The following SIPA1L2 variants were observed in gnomAD, a reference collection of about 807,000 sequenced individuals.
SIPA1L2 encodes signal-induced proliferation-associated 1-like protein 2.
SIPA1L2 carries 56 observed loss-of-function variants against 163.9 expected under a neutral mutation model. The observed-to-expected ratio is 0.34, with a 90% CI of 0.28 to 0.43. The LOEUF (loss-of-function observed/expected upper bound fraction) is 0.43. Ranked by LOEUF, SIPA1L2 falls within the 20% of genes least tolerant of loss-of-function variation. The pLI is 1.00. For synonymous variants in SIPA1L2, 877 were observed against 865.7 expected (o/e 1.01, Z -0.23); for missense variants, 1,974 against 2,193.5 (o/e 0.90, Z 2.00).
At chr1:232,466,979 CTTTGT>C (rs1664553280) in intron 8 of SIPA1L2, among the ~76,000 whole-genome samples, 1 of 152,132 alleles carries the variant, frequency 6.6e-6, no homozygotes, top group Non-Finnish European at 1.5e-5. Flanking sequence ...AGGAAGCAAT[CTTTGT>C]TTTGTTTTCA....
At chr1:232,595,755 G>A (rs1039484084) in intron 1 of SIPA1L2, among the ~76,000 whole-genome samples, 3 of 152,016 alleles carry the variant, frequency 2.0e-5, no homozygotes, top group African/African-American at 7.3e-5. Flanking sequence ...ATGCTCATTC[G>A]AAAATGAAAC....
chr1:232,611,488 G>C (rs547402106), intron 1 of SIPA1L2, among the ~76,000 whole-genome samples: 1 of 152,172 alleles, frequency 6.6e-6, no homozygotes, highest in African/African-American at 2.4e-5. Context: ...ATAGTGATAT[G>C]AACAATAAGG....
intron 10 of SIPA1L2, among the ~76,000 whole-genome samples, chr1:232,460,550 G>C (rs1664179051): frequency 1.3e-5 from 2 of 152,128 alleles, no homozygotes; most frequent in African/African-American, 4.8e-5. Context: ...GCTGAGCTGT[G>C]ATACAGAATT....
At position 232,515,511 on chromosome 1, in the gene SIPA1L2, C is replaced by G. The variant is rs1667182106; in HGVS notation, c.-172G>C. The stretch of plus-strand genomic sequence containing the variant: ...TCCTCAGAATACAGTTTCTTCAAAG[C>G]CAACTTGCTTCTCTGTTGTCGTAAT... On this transcript the variant is annotated 5_prime_UTR_variant, in exon 3 of 23. Coordinates refer to ENST00000674635, the MANE Select transcript of SIPA1L2 (RefSeq NM_020808.5). 1.6e-6 allele frequency: 1 copy of G among 633,020 alleles called. No individual in the cohort carries two copies. Among genetic ancestry groups the G allele is most frequent in the Admixed American group, 3.5e-5 (1 of 28,320 alleles). 39.2% of individuals were successfully genotyped at this position (633,020 alleles called of 1,614,324 possible). A position where few individuals can be genotyped will look rare whatever the true frequency, so the allele number is the denominator to read the frequency against.
At position 232,525,448 on chromosome 1, in the gene SIPA1L2, G is replaced by T. The variant is rs559544490; in HGVS notation, c.-269-9840C>A. 1.5e-4 allele frequency among the ~76,000 whole-genome samples: 21 copies of T among 144,548 alleles called. No individual in the cohort carries two copies. In the East Asian group the frequency reaches 4.2e-3, roughly 29 times the overall value. The allele number at this position is 144,548 out of a possible 152,430, so 94.8% of individuals were successfully genotyped here. On this transcript the variant is annotated intron_variant, in intron 2 of 22. Coordinates refer to ENST00000674635, the MANE Select transcript of SIPA1L2 (RefSeq NM_020808.5). ...TTTTTGTATTTCTAGTAGAGACGGG[G>T]TTTCACCATGTTGTTCAGACTGGTC...
intron 1 of SIPA1L2, among the ~76,000 whole-genome samples, chr1:232,610,956 CTG>C (rs1377196358): frequency 6.6e-6 from 1 of 152,206 alleles, no homozygotes; most frequent in African/African-American, 2.4e-5. Flanking sequence ...TGGTTTGGCT[CTG>C]TGTCTCCATC....
At chr1:232,459,344 G>A (rs1473480203) in intron 10 of SIPA1L2, among the ~76,000 whole-genome samples, 1 of 152,140 alleles carries the variant, frequency 6.6e-6, no homozygotes, top group Non-Finnish European at 1.5e-5. Context: ...ACTGTAGAAA[G>A]TGCTAATGGA....
At chr1:232,488,883 T>C (rs932949366) in intron 5 of SIPA1L2, among the ~76,000 whole-genome samples, 1 of 152,102 alleles carries the variant, frequency 6.6e-6, no homozygotes, top group Non-Finnish European at 1.5e-5. Flanking sequence ...AGAGCTATAT[T>C]TTAGGAAGAT....
intron 2 of SIPA1L2, among the ~76,000 whole-genome samples, chr1:232,568,905 C>T (rs558932743): frequency 3.0e-4 from 45 of 152,344 alleles, no homozygotes; most frequent in African/African-American, 1.0e-3. Context: ...TTTATCATTA[C>T]AGCAACTGAA....
At chr1:232,403,623 G>C in intron 20 of SIPA1L2, 52 bp from the exon 21 acceptor site, 2 of 1,543,616 alleles carry the variant, frequency 1.3e-6, no homozygotes, top group Non-Finnish European at 1.7e-6. Flanking sequence ...TCAATGCAAG[G>C]CAATGTTTCT....
At position 232,564,731 on chromosome 1, in the gene SIPA1L2, G is replaced by A. The variant is rs188870879; in HGVS notation, c.-270+9443C>T. 1.2e-3 allele frequency among the ~76,000 whole-genome samples: 180 copies of A among 152,214 alleles called. 1 individual carries two copies. The highest frequency in any genetic ancestry group is 4.0e-3 in the African/African-American group (167 of 41,532). On this transcript the variant is annotated intron_variant, in intron 2 of 22. Transcript: ENST00000674635. ...GGGTTTTTATTGTGGGGACAGGATGGCAGAAGTATTACTCTTCTCCCAGAA... is the reference window on the plus strand; with the variant it reads ...GGGTTTTTATTGTGGGGACAGGATGACAGAAGTATTACTCTTCTCCCAGAA...
At chr1:232,611,571 C>T (rs960198726) in intron 1 of SIPA1L2, among the ~76,000 whole-genome samples, 1 of 152,100 alleles carries the variant, frequency 6.6e-6, no homozygotes, top group Admixed American at 6.5e-5. Context: ...TGTTATGTTT[C>T]AGCAAAGAGA....
chr1:232,479,715 G>C lies in SIPA1L2; in HGVS notation c.1997C>G (p.Thr666Arg). 1 of 1,613,496 alleles carries C rather than the reference G, an allele frequency of 6.2e-7. No homozygotes were observed. The highest frequency in any genetic ancestry group is 1.7e-4 in the Middle Eastern group (1 of 6,060). ...QLDNKTDSTG[T>R]HSLYTTYKDY... ...TTTGTATGTGGTATAGAGAGAGTGC[G>C]TGCCCGTGGAATCAGCTGAAAACAA... is the stretch of plus-strand genomic sequence containing the variant. The change falls in exon 7 of 23, where the codon ACG (threonine) becomes AGG (arginine). Residue 666 changes from threonine (T) to arginine (R), a missense_variant. Physicochemically the swap from Thr to Arg is moderately conservative, Grantham distance 71 (BLOSUM62 -1). Around this residue, in one of 3 missense-constraint regions of SIPA1L2, gnomAD observed 288 missense variants for 418.9 expected, o/e 0.69. Transcript: ENST00000674635.
At chr1:232,440,127 T>C (rs1662803465) in intron 14 of SIPA1L2, among the ~76,000 whole-genome samples, 1 of 152,196 alleles carries the variant, frequency 6.6e-6, no homozygotes, top group Non-Finnish European at 1.5e-5. Flanking sequence ...GGGAGTCTAT[T>C]GAGAGTAAAT....
rs530908578 is a variant in SIPA1L2 at position 232,429,605 on chromosome 1, C to T, written c.4257-1041G>A. 8.8e-4 allele frequency among the ~76,000 whole-genome samples: 128 copies of T among 145,626 alleles called. No individual in the cohort carries two copies. The Middle Eastern group carries it at 0.014, about 16-fold the overall frequency. On this transcript the variant is annotated intron_variant, in intron 16 of 22. Transcript: ENST00000674635. ...CAGTTACAACATGAACAAATAGTGG[C>T]TGTAAAAAAAAAAAAAAAGAAGCAT...
At chr1:232,535,749 C>CT (rs1280134718) in intron 2 of SIPA1L2, among the ~76,000 whole-genome samples, 1 of 152,162 alleles carries the variant, frequency 6.6e-6, no homozygotes, top group Non-Finnish European at 1.5e-5. Context: ...ATTCTGTACT[C>CT]TATCATTGAT....
chr1:232,460,814 G>A (rs1441087706), intron 10 of SIPA1L2, 73 bp downstream of exon 10: 1 of 1,540,568 alleles, frequency 6.5e-7, no homozygotes, highest in Non-Finnish European at 8.8e-7. Flanking sequence ...GGACCTTGCA[G>A]GAGCACTGAG....
At chr1:232,433,561 G>A (rs2102837798) in intron 15 of SIPA1L2, among the ~76,000 whole-genome samples, 1 of 152,222 alleles carries the variant, frequency 6.6e-6, no homozygotes, top group African/African-American at 2.4e-5. Flanking sequence ...GAAACAGACA[G>A]AGGCCCTAAA....
intron 2 of SIPA1L2, among the ~76,000 whole-genome samples, chr1:232,567,950 C>T (rs900678506): frequency 6.6e-5 from 10 of 152,200 alleles, no homozygotes; most frequent in African/African-American, 1.9e-4. Context: ...CAGTCCGAAA[C>T]GCCAGGGTTC....
Sources: gnomAD v4.1 joint callset for allele counts (sites outside exome capture counted in the v4.1 genomes callset) on GRCh38, gnomAD v4.1.1 for gene constraint, gnomAD v4.1.1 regional missense constraint, MANE v1.5 for transcripts, NCBI Gene and HGNC (gene_info 2026-07-23, HGNC 2026-07-21) for gene names.